OR3A2: variants seen among roughly 807,000 people sequenced by gnomAD.
The protein encoded by OR3A2 is olfactory receptor 3A2.
For synonymous variants in OR3A2, 126 were observed against 159.3 expected (o/e 0.79, Z 1.57); for missense variants, 318 against 392.8 (o/e 0.81, Z 1.61).
chr17:3,342,635 C>T (rs769438875), intron 2 of OR3A2, among the ~76,000 whole-genome samples: 7 of 152,144 alleles, frequency 4.6e-5, no homozygotes, highest in Admixed American at 6.5e-5. Context: ...TATTGCTGCC[C>T]GATCCTTCCT....
chr17:3,315,814 C>A (rs770714490), intron 3 of OR3A2, among the ~76,000 whole-genome samples: 1 of 151,086 alleles, frequency 6.6e-6, no homozygotes, highest in African/African-American at 2.4e-5. Flanking sequence ...TTCTCTCCAG[C>A]CTTCAGAGTG....
intron 3 of OR3A2, chr17:3,292,171 G>A (rs577166909): frequency 7.4e-6 from 12 of 1,614,062 alleles, no homozygotes; most frequent in Admixed American, 1.7e-5. Flanking sequence ...TGACTCATGC[G>A]GGTGCTGTAG....
chr17:3,343,235 T>C (rs565904738), intron 2 of OR3A2, among the ~76,000 whole-genome samples: 3 of 152,326 alleles, frequency 2.0e-5, no homozygotes, highest in African/African-American at 7.2e-5. Context: ...TGCCCTGCCC[T>C]GCTTCGGCTC....
At chr17:3,346,189 G>A (rs1033453842) in intron 2 of OR3A2, among the ~76,000 whole-genome samples, 1 of 152,138 alleles carries the variant, frequency 6.6e-6, no homozygotes, top group Non-Finnish European at 1.5e-5. Context: ...ACAAATGACA[G>A]GACTTCTTAC....
intron 3 of OR3A2, among the ~76,000 whole-genome samples, chr17:3,296,814 C>T (rs2150624242): frequency 6.6e-6 from 1 of 152,310 alleles, no homozygotes; most frequent in Non-Finnish European, 1.5e-5. Flanking sequence ...CATTCCATTA[C>T]ACTACCACCA....
rs2049111855 is a variant in OR3A2, at chr17:3,320,494, G to C, written c.-85+15539C>G. ...ATGGTATTGCATAGGTTTTCTTCTA[G>C]GGTTTTTATGGTTTTAGGTCTAACA... On this transcript the variant is annotated intron_variant, in intron 3 of 4. Transcript: ENST00000573491. Among the ~76,000 whole-genome samples the C allele has an allele frequency of 1.6e-5, 2 of 122,622 alleles. 1 individual carries two copies. The highest frequency in any genetic ancestry group is 3.5e-5 in the Non-Finnish European group (2 of 56,918). The allele number at this position is 122,622 out of a possible 152,430, so 80.4% of individuals were successfully genotyped here.
intron 3 of OR3A2, chr17:3,298,235 C>G (rs989974744): frequency 2.0e-5 from 3 of 152,130 alleles, no homozygotes; most frequent in Admixed American, 1.3e-4. Context: ...TTCCAAGAAG[C>G]CTGTCTTACA....
chr17:3,276,523 T>C (rs530695700), downstream of OR3A2, among the ~76,000 whole-genome samples: 1 of 152,176 alleles, frequency 6.6e-6, no homozygotes, highest in East Asian at 1.9e-4. Flanking sequence ...AGGTATAACA[T>C]TCTGAATAAT....
intron 3 of OR3A2, among the ~76,000 whole-genome samples, chr17:3,324,762 G>A (rs556075231): frequency 3.9e-5 from 6 of 152,068 alleles, no homozygotes; most frequent in Admixed American, 3.3e-4. Flanking sequence ...GTGTCAGTCC[G>A]CCCCTACTCG....
rs1168795313 is a variant in OR3A2, at chr17:3,311,615, G to A, written c.-85+24418C>T. 5.3e-6 allele frequency: 2 copies of A among 378,928 alleles called. No individual in the cohort carries two copies. Among genetic ancestry groups the A allele is most frequent in the African/African-American group, 4.2e-5 (2 of 47,560 alleles). 23.5% of individuals were successfully genotyped at this position (378,928 alleles called of 1,614,324 possible). A position where few individuals can be genotyped will look rare whatever the true frequency, so the allele number is the denominator to read the frequency against. On this transcript the variant is annotated intron_variant, in intron 3 of 4. Coordinates refer to the OR3A2 transcript ENST00000573491. The surrounding 1 kb of genome is among the most constrained non-coding windows in gnomAD (Gnocchi z 4.6). ...CTGCTTGTGGGGGCCACCTTCATAG[G>A]AGTGATCCCCATGATCTTTATCTCA...
At chr17:3,298,129 T>C (rs1179153882) in intron 3 of OR3A2, among the ~76,000 whole-genome samples, 1 of 152,086 alleles carries the variant, frequency 6.6e-6, no homozygotes, top group African/African-American at 2.4e-5. Flanking sequence ...TTAGGAATGG[T>C]AGACCCTATG....
chr17:3,315,559 T>C (rs1188695559), intron 3 of OR3A2, among the ~76,000 whole-genome samples: 1 of 152,164 alleles, frequency 6.6e-6, no homozygotes, highest in Non-Finnish European at 1.5e-5. Context: ...TGTTGATTTG[T>C]TGAAGTTCCC....
chr17:3,289,783 C>T (rs2048848350), intron 3 of OR3A2, among the ~76,000 whole-genome samples: 1 of 152,152 alleles, frequency 6.6e-6, no homozygotes, highest in Admixed American at 6.5e-5. Flanking sequence ...GAGATGAGAA[C>T]CACATCCCAG....
chr17:3,383,213 A>C (rs1218975523), intron 2 of OR3A2, among the ~76,000 whole-genome samples: 6 of 152,190 alleles, frequency 3.9e-5, no homozygotes. Context: ...CCAAAATTGG[A>C]ATCATTTGTA....
intron 3 of OR3A2, among the ~76,000 whole-genome samples, chr17:3,299,037 C>T (rs1302689171): frequency 6.6e-6 from 1 of 152,184 alleles, no homozygotes; most frequent in East Asian, 1.9e-4. Flanking sequence ...CCCTCCAACT[C>T]CTTACTGCAC....
chr17:3,371,186 G>A (rs1232738646), intron 2 of OR3A2, among the ~76,000 whole-genome samples: 5 of 151,890 alleles, frequency 3.3e-5, no homozygotes, highest in African/African-American at 4.8e-5. Flanking sequence ...CTTCCCAGTA[G>A]GGGCGGCCGG....
At chr17:3,310,397 C>A (rs1226679485) in intron 3 of OR3A2, 1 of 535,038 alleles carries the variant, frequency 1.9e-6, no homozygotes, top group African/African-American at 1.9e-5. Context: ...TACAGCCCAT[C>A]CTCTTTGTCA....
chr17:3,301,267 A>G (rs1243686249), intron 3 of OR3A2, among the ~76,000 whole-genome samples: 3 of 152,180 alleles, frequency 2.0e-5, no homozygotes, highest in Non-Finnish European at 4.4e-5. Context: ...GAATCGCCAC[A>G]CTGTCTTCCA....
At chr17:3,318,510 C>T (rs1014802186) in intron 3 of OR3A2, among the ~76,000 whole-genome samples, 3 of 152,176 alleles carry the variant, frequency 2.0e-5, no homozygotes, top group East Asian at 1.9e-4. Flanking sequence ...GTCTGCTTAT[C>T]GAGACCGCAT....
Sources: allele counts gnomAD v4.1 joint callset (sites outside exome capture counted in the v4.1 genomes callset), GRCh38; gene constraint gnomAD v4.1.1; non-coding constraint Gnocchi (gnomAD v3.1); transcripts MANE v1.5; gene names NCBI Gene and HGNC (gene_info 2026-07-23, HGNC 2026-07-21).